The following NRG3 variants were observed in gnomAD, a reference collection of about 807,000 sequenced individuals.
NRG3 encodes the protein neuregulin 3, also known as pro-neuregulin-3, membrane-bound isoform.
A neutral mutation model predicts 66.9 loss-of-function variants in NRG3; 31 were observed. The ratio of observed to expected loss-of-function variants is 0.46; its 90% CI spans 0.35 to 0.63. The LOEUF (loss-of-function observed/expected upper bound fraction) is 0.63. NRG3 is among the 20% of genes least tolerant of loss of function. The probability of loss-of-function intolerance (pLI) is 0.00; values close to 1 mark genes in which losing one functional copy is unlikely to be tolerated. For synonymous variants in NRG3, 393 were observed against 359.4 expected (o/e 1.09, Z -1.06); for missense variants, 910 against 878.9 (o/e 1.04, Z -0.45).
intron 3 of NRG3, among the ~76,000 whole-genome samples, chr10:82,828,272 C>A (rs1052851124): frequency 6.6e-6 from 1 of 152,166 alleles, no homozygotes; most frequent in African/African-American, 2.4e-5. Context: ...TCCATCCGGA[C>A]ACCCAGGAAT....
intron 1 of NRG3, among the ~76,000 whole-genome samples, chr10:82,139,315 C>T (rs2069596057): frequency 6.6e-6 from 1 of 152,146 alleles, no homozygotes; most frequent in Admixed American, 6.5e-5. Flanking sequence ...GTGCCAAAGT[C>T]ATTAATTTAC....
At chr10:82,105,439 C>T (rs1044394225) in intron 1 of NRG3, among the ~76,000 whole-genome samples, 1 of 152,116 alleles carries the variant, frequency 6.6e-6, no homozygotes, top group African/African-American at 2.4e-5. Flanking sequence ...TAAGTGATGT[C>T]CTCCCTGTAT....
chr10:82,821,794 C>T (rs1159130208), intron 3 of NRG3, among the ~76,000 whole-genome samples: 1 of 152,164 alleles, frequency 6.6e-6, no homozygotes, highest in African/African-American at 2.4e-5. Flanking sequence ...AACTTACACT[C>T]ATCACTACTC....
Position 82,782,221 on chromosome 10 carries a change from C to A in NRG3, c.1027+43571C>A, listed in dbSNP as rs571794603. Among the ~76,000 whole-genome samples, 170 of 152,218 alleles carry A rather than the reference C, an allele frequency of 1.1e-3. 4 individuals are homozygous for A. The highest frequency in any genetic ancestry group is 8.8e-5 in the Non-Finnish European group (6 of 68,010). On this transcript the variant is annotated intron_variant, in intron 3 of 8. Coordinates refer to ENST00000372141, the MANE Select transcript of NRG3 (RefSeq NM_001010848.4). ...TTAAGTCATGAGGGCTCTGCCCTTA[C>A]AAATAGATTAATGCAGTTATCAAGG...
intron 2 of NRG3, among the ~76,000 whole-genome samples, chr10:82,465,965 C>T (rs1361399016): frequency 6.6e-6 from 1 of 152,112 alleles, no homozygotes; most frequent in African/African-American, 2.4e-5. Context: ...TCTTTAGAGG[C>T]CTGATGTCTC....
chr10:82,788,513 T>C (rs2060460055), intron 3 of NRG3, among the ~76,000 whole-genome samples: 1 of 152,096 alleles, frequency 6.6e-6, no homozygotes, highest in Non-Finnish European at 1.5e-5. Context: ...GAGGTTGCAG[T>C]GAGCCAAGAC....
At chr10:82,522,537 T>G (rs1350414643) in intron 2 of NRG3, among the ~76,000 whole-genome samples, 1 of 152,112 alleles carries the variant, frequency 6.6e-6, no homozygotes, top group African/African-American at 2.4e-5. Flanking sequence ...TTCGAAATAT[T>G]TCGAGAAACA....
chr10:82,384,594 G>T (rs766624329), intron 2 of NRG3, among the ~76,000 whole-genome samples: 2 of 152,148 alleles, frequency 1.3e-5, no homozygotes, highest in Non-Finnish European at 2.9e-5. Flanking sequence ...ACATGTCCCT[G>T]CAGAGAAAAT....
chr10:82,669,581 G>T (rs1269345607), intron 2 of NRG3, among the ~76,000 whole-genome samples: 2 of 152,082 alleles, frequency 1.3e-5, no homozygotes, highest in Admixed American at 6.5e-5. Flanking sequence ...TTTGCCATTG[G>T]CAGAAATGGC....
intron 2 of NRG3, among the ~76,000 whole-genome samples, chr10:82,692,804 G>A (rs909960726): frequency 1.1e-4 from 17 of 152,288 alleles, no homozygotes; most frequent in African/African-American, 1.7e-4. Flanking sequence ...CCGTATCTGC[G>A]TAGGCCTTTG....
intron 2 of NRG3, among the ~76,000 whole-genome samples, chr10:82,412,577 G>A (rs2136167527): frequency 6.6e-6 from 1 of 152,200 alleles, no homozygotes; most frequent in South Asian, 2.1e-4. Context: ...GGTTAGGGTG[G>A]CTTTGTCAGT....
chr10:82,178,939 G>C (rs574835728), intron 1 of NRG3, among the ~76,000 whole-genome samples: 17 of 151,884 alleles, frequency 1.1e-4, no homozygotes, highest in Non-Finnish European at 2.1e-4. Flanking sequence ...CATACCAACA[G>C]GTATGAAGTG....
intron 3 of NRG3, among the ~76,000 whole-genome samples, chr10:82,815,896 G>A (rs543969551): frequency 1.0e-3 from 157 of 152,322 alleles, no homozygotes; most frequent in Non-Finnish European, 1.8e-3. Flanking sequence ...AGGCATGCTG[G>A]CTGCTATGGC....
intron 2 of NRG3, among the ~76,000 whole-genome samples, chr10:82,724,481 A>G (rs917705920): frequency 7.2e-5 from 11 of 152,216 alleles, no homozygotes; most frequent in African/African-American, 1.2e-4. Flanking sequence ...ATTGTACAAT[A>G]TCCTGGGAGA....
At chr10:82,919,802 C>T (rs1465969589) in intron 4 of NRG3, among the ~76,000 whole-genome samples, 1 of 151,956 alleles carries the variant, frequency 6.6e-6, no homozygotes, top group Non-Finnish European at 1.5e-5. Context: ...GCCCTTTCAC[C>T]ACTTGAGAAT....
chr10:82,146,859 G>A (rs1336021381), intron 1 of NRG3, among the ~76,000 whole-genome samples: 2 of 152,126 alleles, frequency 1.3e-5, no homozygotes, highest in African/African-American at 2.4e-5. Context: ...GACCAAGAGA[G>A]GGGAGGCTTC....
At chr10:82,516,923 G>T (rs999679556) in intron 2 of NRG3, among the ~76,000 whole-genome samples, 3 of 152,098 alleles carry the variant, frequency 2.0e-5, no homozygotes, top group Non-Finnish European at 4.4e-5. Flanking sequence ...AGTTTTATTG[G>T]CAGGGAAAAA....
intron 3 of NRG3, among the ~76,000 whole-genome samples, chr10:82,780,442 T>C (rs2060074208): frequency 6.6e-6 from 1 of 151,884 alleles, no homozygotes; most frequent in Non-Finnish European, 1.5e-5. Flanking sequence ...TCTAACATTC[T>C]GTCATCTCAG....
chr10:82,247,366 C>T (rs749076729), intron 1 of NRG3, among the ~76,000 whole-genome samples: 19 of 152,244 alleles, frequency 1.2e-4, no homozygotes, highest in Admixed American at 2.0e-4. Flanking sequence ...GGGCTGCAGA[C>T]GGCCACCTTC....
Sources: allele counts gnomAD v4.1 joint callset (sites outside exome capture counted in the v4.1 genomes callset), GRCh38; gene constraint gnomAD v4.1.1; transcripts MANE v1.5; gene names NCBI Gene and HGNC (gene_info 2026-07-23, HGNC 2026-07-21).